The following ATPAF1 variants were observed in gnomAD, a reference collection of about 807,000 sequenced individuals.
The protein encoded by ATPAF1 is ATP synthase mitochondrial F1 complex assembly factor 1.
In ATPAF1, 26 loss-of-function variants were observed where a neutral mutation model predicts 43.9. That is an observed-to-expected ratio of 0.59 (90% CI 0.43 to 0.82). ATPAF1 has a LOEUF of 0.82. Ranked by LOEUF, ATPAF1 falls within the 40% of genes least tolerant of loss-of-function variation. ATPAF1 has a pLI of 0.00. For missense variants in ATPAF1, 366 were observed against 435.0 expected (o/e 0.84, Z 1.41); for synonymous variants, 157 against 168.0 (o/e 0.93, Z 0.50).
chr1:46,651,934 C>T (rs910985578), intron 6 of ATPAF1, among the ~76,000 whole-genome samples: 7 of 152,092 alleles, frequency 4.6e-5, no homozygotes, highest in African/African-American at 1.7e-4. Context: ...AGAAAAAATG[C>T]TCACCATCAC....
intron 2 of ATPAF1, among the ~76,000 whole-genome samples, chr1:46,663,332 G>C (rs539321368): frequency 7.2e-4 from 109 of 152,256 alleles, no homozygotes; most frequent in African/African-American, 2.4e-3. Context: ...GGTATTTCTA[G>C]TTCTAGATCC....
intron 8 of ATPAF1, among the ~76,000 whole-genome samples, chr1:46,636,452 T>C (rs934312116): frequency 1.3e-5 from 2 of 152,182 alleles, no homozygotes; most frequent in Admixed American, 6.5e-5. Context: ...AGATATACAC[T>C]TGAATAAAAC....
intron 1 of ATPAF1, among the ~76,000 whole-genome samples, 200 bp downstream of exon 1, chr1:46,667,857 G>A (rs924308169): frequency 3.3e-5 from 5 of 152,204 alleles, no homozygotes; most frequent in African/African-American, 1.2e-4. Flanking sequence ...ACGAGCCAGG[G>A]CTTTGCAGAG....
chr1:46,650,418 T>C (rs557535639), intron 6 of ATPAF1, among the ~76,000 whole-genome samples: 12 of 150,934 alleles, frequency 8.0e-5, no homozygotes, highest in South Asian at 6.3e-4. Flanking sequence ...TTGTATAATA[T>C]TGGTGGAACG....
At chr1:46,635,784 T>C (rs760167792) in exon 9 of ATPAF1, 5 of 1,613,806 alleles carry the variant, frequency 3.1e-6, no homozygotes, top group Non-Finnish European at 4.2e-6. Flanking sequence ...TTCTAAGTCT[T>C]ATTTTGGTTC....
Position 46,658,011 on chromosome 1 carries a change from C to T in ATPAF1, c.489+116G>A, listed in dbSNP as rs1310080276. The T allele has an allele frequency of 3.0e-6, 3 of 998,048 alleles. No individual in the cohort carries two copies. In the Admixed American group the frequency reaches 7.5e-5, roughly 25 times the overall value. The allele number at this position is 998,048 out of a possible 1,614,324, so 61.8% of individuals were successfully genotyped here. A position where few individuals can be genotyped will look rare whatever the true frequency, so the allele number is the denominator to read the frequency against. On this transcript the variant is annotated intron_variant, in intron 4 of 8. Transcript: ENST00000574428. ...TTCTTCAAGTAATTCATCACTTTTGCCTTTTATTATTACCTTTCATTGTGG... is the reference window on the plus strand; with the variant it reads ...TTCTTCAAGTAATTCATCACTTTTGTCTTTTATTATTACCTTTCATTGTGG...
At position 46,668,318 on chromosome 1, in the gene ATPAF1, G is replaced by A. The variant is rs775692193; in HGVS notation, c.5C>T (p.Ala2Val). ...ACCCGCAGCCGCCACCACCACAGCA[G>A]CCATGGCCGCCCCCGCCTCCTCCTC... Residue 2 changes from alanine to valine, a missense_variant, in exon 1 of 9, where the codon GCT becomes GTT. Physicochemically the swap from Ala to Val is moderately conservative, Grantham distance 64. Around this residue, in one of 2 missense-constraint regions of ATPAF1, gnomAD observed 186 missense variants for 168.5 expected, o/e 1.10. Transcript: ENST00000574428. The surrounding 1 kb of genome is among the most constrained non-coding windows in gnomAD (Gnocchi z 4.4). 244 of 1,367,532 alleles carry A rather than the reference G, an allele frequency of 1.8e-4. No individual in the cohort carries two copies. Among genetic ancestry groups the A allele is most frequent in the Non-Finnish European group, 2.2e-4 (228 of 1,056,036 alleles). The allele number at this position is 1,367,532 out of a possible 1,614,324, so 84.7% of individuals were successfully genotyped here. A position where few individuals can be genotyped will look rare whatever the true frequency, so the allele number is the denominator to read the frequency against.
exon 9 of ATPAF1, chr1:46,635,734 C>T (rs747099474): frequency 2.0e-5 from 32 of 1,568,702 alleles, no homozygotes; most frequent in Admixed American, 3.5e-5. Flanking sequence ...TCTAGACTAT[C>T]GAGGGCTGAG....
intron 2 of ATPAF1, among the ~76,000 whole-genome samples, chr1:46,662,860 C>G (rs1056769893): frequency 6.6e-6 from 1 of 152,028 alleles, no homozygotes; most frequent in African/African-American, 2.4e-5. Context: ...TATACATGTA[C>G]CATGTTGGTG....
chr1:46,665,621 C>T (rs1457799247), intron 1 of ATPAF1: 23 of 1,511,416 alleles, frequency 1.5e-5, no homozygotes, highest in South Asian at 2.4e-5. Flanking sequence ...TAGGTTTACA[C>T]AGGGCTTAGT....
intron 2 of ATPAF1, among the ~76,000 whole-genome samples, chr1:46,659,119 A>G (rs1490639956): frequency 6.6e-6 from 1 of 152,068 alleles, no homozygotes; most frequent in African/African-American, 2.4e-5. Flanking sequence ...TGAACCCAGG[A>G]GGCGGAGGAT....
At chr1:46,666,486 A>G (rs1170968114) in intron 1 of ATPAF1, 1 of 152,288 alleles carries the variant, frequency 6.6e-6, no homozygotes, top group Non-Finnish European at 1.5e-5. Flanking sequence ...ATAGAAATAA[A>G]TAAGTCAGAC....
intron 6 of ATPAF1, among the ~76,000 whole-genome samples, chr1:46,647,448 A>G (rs568295096): frequency 3.2e-4 from 49 of 152,296 alleles, no homozygotes; most frequent in African/African-American, 1.0e-3. Context: ...TGCATGTATC[A>G]ATAGTTCATT....
chr1:46,656,156 T>C (rs1438941514), intron 4 of ATPAF1, among the ~76,000 whole-genome samples: 1 of 152,116 alleles, frequency 6.6e-6, no homozygotes, highest in Non-Finnish European at 1.5e-5. Flanking sequence ...GATTAGGAGT[T>C]AGAGTAGGGA....
At chr1:46,638,495 G>A (rs1286756643) in intron 8 of ATPAF1, among the ~76,000 whole-genome samples, 4 of 152,052 alleles carry the variant, frequency 2.6e-5, no homozygotes, top group African/African-American at 4.8e-5. Context: ...GGTGGTGGGC[G>A]CTTGTAGTCC....
exon 4 of ATPAF1, chr1:46,658,172 A>G: frequency 6.2e-7 from 1 of 1,610,518 alleles, no homozygotes; most frequent in Non-Finnish European, 8.5e-7. Flanking sequence ...TCTCAATGTT[A>G]AAGATTGAAC....
At chr1:46,649,874 T>A (rs1317257074) in intron 6 of ATPAF1, among the ~76,000 whole-genome samples, 1 of 152,054 alleles carries the variant, frequency 6.6e-6, no homozygotes, top group African/African-American at 2.4e-5. Flanking sequence ...TGCAGTAAGC[T>A]ATGATCACAC....
chr1:46,644,635 T>C (rs2148817080), intron 7 of ATPAF1, among the ~76,000 whole-genome samples: 1 of 152,334 alleles, frequency 6.6e-6, no homozygotes, highest in African/African-American at 2.4e-5. Flanking sequence ...TTGACTTTTA[T>C]TTTAAAAGTT....
At chr1:46,665,199 G>T in intron 2 of ATPAF1, 57 bp downstream of exon 2, 1 of 1,547,680 alleles carries the variant, frequency 6.5e-7, no homozygotes, top group Non-Finnish European at 8.9e-7. Flanking sequence ...AAGGGTGAGG[G>T]TAAGGAGGGT....
Sources: allele counts gnomAD v4.1 joint callset (sites outside exome capture counted in the v4.1 genomes callset), GRCh38; gene constraint gnomAD v4.1.1; regional missense constraint gnomAD v4.1.1; non-coding constraint Gnocchi (gnomAD v3.1); transcripts MANE v1.5; gene names NCBI Gene and HGNC (gene_info 2026-07-23, HGNC 2026-07-21).